CCDC38: variants seen among roughly 807,000 people sequenced by gnomAD.
The protein encoded by CCDC38 is coiled-coil domain containing 38.
CCDC38 carries 69 observed loss-of-function variants against 72.8 expected under a neutral mutation model. The ratio of observed to expected loss-of-function variants is 0.95; its 90% CI spans 0.78 to 1.16. The LOEUF is 1.16. CCDC38 is among the 50% of genes most tolerant of loss of function. CCDC38 has a pLI of 0.00. For synonymous variants in CCDC38, 201 were observed against 213.2 expected (o/e 0.94, Z 0.50); for missense variants, 626 against 638.9 (o/e 0.98, Z 0.22).
chr12:95,902,982 A>C (rs202217179), intron 5 of CCDC38, among the ~76,000 whole-genome samples: 12 of 152,254 alleles, frequency 7.9e-5, no homozygotes, highest in East Asian at 5.8e-4. Context: ...TCTATAAACC[A>C]ATCTGGAAAG....
Position 95,942,488 on chromosome 12 carries a change from G to A in CCDC38, c.-72C>T, listed in dbSNP as rs983427995. ...CCTATCGTTCGGGAAGGCGTTGTGGGAAAAGTGGGCGGAGGTGCCAATCGA... is the reference window on the plus strand; with the variant it reads ...CCTATCGTTCGGGAAGGCGTTGTGGAAAAAGTGGGCGGAGGTGCCAATCGA... On this transcript the variant is annotated 5_prime_UTR_variant, in exon 1 of 16. Coordinates refer to ENST00000344280, the MANE Select transcript of CCDC38 (RefSeq NM_182496.3). The A allele has an allele frequency of 6.6e-6, 1 of 152,392 alleles. No homozygotes were observed. 9.4% of individuals were successfully genotyped at this position (152,392 alleles called of 1,614,324 possible). A position where few individuals can be genotyped will look rare whatever the true frequency, so the allele number is the denominator to read the frequency against.
intron 2 of CCDC38, among the ~76,000 whole-genome samples, chr12:95,926,881 G>A (rs1276839413): frequency 6.6e-6 from 1 of 151,714 alleles, no homozygotes; most frequent in South Asian, 2.1e-4. Flanking sequence ...CTGAGTTCTA[G>A]TTTGATTGCA....
At chr12:95,917,610 T>C (rs1428880117) in intron 3 of CCDC38, among the ~76,000 whole-genome samples, 1 of 152,180 alleles carries the variant, frequency 6.6e-6, no homozygotes, top group Admixed American at 6.5e-5. Flanking sequence ...CGGTAGCTCA[T>C]GTCTGTAATC....
At chr12:95,923,755 A>T (rs1198845393) in intron 2 of CCDC38, among the ~76,000 whole-genome samples, 1 of 150,860 alleles carries the variant, frequency 6.6e-6, no homozygotes, top group Non-Finnish European at 1.5e-5. Context: ...ATGTGTTCTC[A>T]TTGTTCAATT....
chr12:95,934,729 C>T (rs1006731982), intron 2 of CCDC38: 5 of 150,520 alleles, frequency 3.3e-5, no homozygotes, highest in Non-Finnish European at 5.9e-5. Context: ...AATAACTAGG[C>T]TGGGTGTGGT....
At chr12:95,902,437 G>T (rs1189089092) in intron 5 of CCDC38, among the ~76,000 whole-genome samples, 1 of 151,864 alleles carries the variant, frequency 6.6e-6, no homozygotes. Context: ...AGACGAACTT[G>T]CATTTTCTAG....
At chr12:95,917,606 C>T (rs1198335946) in intron 3 of CCDC38, among the ~76,000 whole-genome samples, 3 of 152,108 alleles carry the variant, frequency 2.0e-5, no homozygotes, top group East Asian at 1.9e-4. Context: ...GGTGCGGTAG[C>T]TCATGTCTGT....
At chr12:95,940,990 C>T (rs1007627218) in intron 1 of CCDC38, among the ~76,000 whole-genome samples, 2 of 152,066 alleles carry the variant, frequency 1.3e-5, no homozygotes, top group Admixed American at 6.5e-5. Context: ...GAGCTGCTAT[C>T]GGGATGTTGG....
chr12:95,923,679 C>T (rs2080234513), intron 2 of CCDC38, among the ~76,000 whole-genome samples: 1 of 152,144 alleles, frequency 6.6e-6, no homozygotes, highest in African/African-American at 2.4e-5. Context: ...TCTCCCAATG[C>T]TATCCCTCCC....
chr12:95,935,243 C>T (rs1012295495), intron 2 of CCDC38: 2 of 152,280 alleles, frequency 1.3e-5, no homozygotes, highest in Non-Finnish European at 2.9e-5. Context: ...CTAGTGAACC[C>T]CCAATATCCA....
intron 8 of CCDC38, 93 bp downstream of exon 8, chr12:95,894,896 T>TA (rs914108337): frequency 3.7e-5 from 40 of 1,081,098 alleles, no homozygotes; most frequent in East Asian, 4.9e-5. Context: ...AGATCCTGCT[T>TA]AAAAAAATAT....
At chr12:95,898,961 C>T (rs2079922803) in intron 5 of CCDC38, among the ~76,000 whole-genome samples, 1 of 152,214 alleles carries the variant, frequency 6.6e-6, no homozygotes, top group Non-Finnish European at 1.5e-5. Context: ...CAAAAGGGCT[C>T]TGCCCTACAA....
chr12:95,914,223 C>T (rs2136714197), intron 4 of CCDC38, among the ~76,000 whole-genome samples: 1 of 152,322 alleles, frequency 6.6e-6, no homozygotes. Flanking sequence ...TACTCGGAGG[C>T]TGGGGCACGA....
chr12:95,937,709 A>G (rs2080408447), intron 1 of CCDC38, among the ~76,000 whole-genome samples: 1 of 152,228 alleles, frequency 6.6e-6, no homozygotes, highest in African/African-American at 2.4e-5. Flanking sequence ...GATGATTAAG[A>G]ACACAGACTT....
intron 13 of CCDC38, among the ~76,000 whole-genome samples, chr12:95,873,230 C>T (rs1201858004): frequency 6.6e-6 from 1 of 152,118 alleles, no homozygotes; most frequent in East Asian, 1.9e-4. Context: ...CTGCCTTATC[C>T]TTATAGTCCA....
At chr12:95,917,977 A>T (rs1266704617) in intron 3 of CCDC38, among the ~76,000 whole-genome samples, 3 of 152,050 alleles carry the variant, frequency 2.0e-5, no homozygotes, top group African/African-American at 7.2e-5. Context: ...GATTTCATTC[A>T]TCTTCTCTCA....
At chr12:95,891,329 C>G (rs936661988) in intron 8 of CCDC38, among the ~76,000 whole-genome samples, 1 of 151,994 alleles carries the variant, frequency 6.6e-6, no homozygotes, top group Non-Finnish European at 1.5e-5. Context: ...GATCATGAAC[C>G]GAGATGAAAT....
chr12:95,902,945 C>A (rs550129683), intron 5 of CCDC38, among the ~76,000 whole-genome samples: 75 of 152,172 alleles, frequency 4.9e-4, no homozygotes, highest in Non-Finnish European at 9.4e-4. Context: ...ACTGAGATTG[C>A]ATTTATAGAT....
At chr12:95,876,320 T>C (rs932443954) in intron 13 of CCDC38, among the ~76,000 whole-genome samples, 11 of 152,148 alleles carry the variant, frequency 7.2e-5, no homozygotes, top group Non-Finnish European at 1.5e-4. Flanking sequence ...TATTGTTTAA[T>C]GGGTATAGAA....
Sources: allele counts gnomAD v4.1 joint callset (sites outside exome capture counted in the v4.1 genomes callset), GRCh38; gene constraint gnomAD v4.1.1; transcripts MANE v1.5; gene names NCBI Gene and HGNC (gene_info 2026-07-23, HGNC 2026-07-21).